PRR30: variants seen among roughly 807,000 people sequenced by gnomAD.
The protein encoded by PRR30 is proline rich 30.
For missense variants in PRR30, 546 were observed against 525.3 expected (o/e 1.04, Z -0.39); for synonymous variants, 229 against 222.7 (o/e 1.03, Z -0.25).
Position 27,139,153 on chromosome 2 carries a change from G to A in PRR30, c.-418-131C>T, listed in dbSNP as rs561013747. The A allele has an allele frequency of 2.6e-5, 4 of 152,544 alleles. No homozygotes were observed. In the South Asian group the frequency reaches 8.3e-4, roughly 32 times the overall value. The allele number at this position is 152,544 out of a possible 1,614,324, so 9.4% of individuals were successfully genotyped here. On this transcript the variant is annotated intron_variant, in intron 1 of 2. Transcript: ENST00000335524. ...TTTGCCCTCAGTCCTCCTTTAGCCA[G>A]GCGGAGGCCTGTGGTACAGATTTTT...
chr2:27,137,886 G>C lies in PRR30; in HGVS notation c.444C>G (p.His148Gln). The change falls in exon 3 of 3, where the codon CAC becomes CAG. Residue 148 changes from histidine (H) to glutamine (Q), a missense_variant. By Grantham distance (24) the His-to-Gln change is conservative. Coordinates refer to ENST00000335524, the MANE Select transcript of PRR30 (RefSeq NM_178553.4). The surrounding 1 kb of genome is among the most constrained non-coding windows in gnomAD (Gnocchi z 4.3). Reference protein sequence around the residue: ...LPHSPCQSPSHPEELHSSTLT... With the variant: ...LPHSPCQSPSQPEELHSSTLT... The stretch of plus-strand genomic sequence containing the variant: ...GTGTGGAGCTATGCAGTTCCTCGGG[G>C]TGGGAAGGGGACTGGCAAGGTGAGT... 6.3e-7 allele frequency: 1 copy of C among 1,599,854 alleles called. No homozygotes were observed. Among genetic ancestry groups the C allele is most frequent in the South Asian group, 1.1e-5 (1 of 88,724 alleles).
rs1383128661 is a variant in PRR30, at chr2:27,137,682, CACCAGGGCCTGG to C, written c.636_647del (p.Gln213_Val216del). ...CGATGCGGCGGTGCCCCAGCTGGACCACCAGGGCCTGGGCCAGGGCCCCTGGGTCCCTGAACT... is the reference window on the plus strand; with the variant it reads ...CGATGCGGCGGTGCCCCAGCTGGACCGCCAGGGCCCCTGGGTCCCTGAACT... On this transcript the variant is annotated inframe_deletion, in exon 3 of 3. Transcript: ENST00000335524. This position sits in a 1 kb window ranked among gnomAD's most constrained non-coding sequence, Gnocchi z 4.3. 2 of 1,613,214 alleles carry C rather than the reference CACCAGGGCCTGG, an allele frequency of 1.2e-6. No individual in the cohort carries two copies. The highest frequency in any genetic ancestry group is 1.7e-6 in the Non-Finnish European group (2 of 1,179,964).
Position 27,137,335 on chromosome 2 carries a change from C to G in PRR30, c.995G>C (p.Gly332Ala). The G allele has an allele frequency of 6.2e-7, 1 of 1,614,212 alleles. No homozygotes were observed. Among genetic ancestry groups the G allele is most frequent in the African/African-American group, 1.3e-5 (1 of 75,062 alleles). The part of the protein sequence containing the change: ...GPQGKATQAC[G>A]HQLPASQPPA... ...AGGCTGAGATGCTGGCAATTGATGC[C>G]CACAGGCCTGAGTAGCCTTGCCCTG... is the stretch of plus-strand genomic sequence containing the variant. The change falls in exon 3 of 3, where the codon GGG (glycine) becomes GCG (alanine). Residue 332 changes from glycine (G) to alanine (A), a missense_variant. Coordinates refer to ENST00000335524, the MANE Select transcript of PRR30 (RefSeq NM_178553.4). This position sits in a 1 kb window ranked among gnomAD's most constrained non-coding sequence, Gnocchi z 4.3.
chr2:27,137,314 T>C lies in PRR30; in HGVS notation c.1016A>G (p.Gln339Arg). Reference sequence around the variant, plus strand: ...GGCCCGGGCCTGAGCTGCTGGAGGCTGAGATGCTGGCAATTGATGCCCACA... The same window carrying C: ...GGCCCGGGCCTGAGCTGCTGGAGGCCGAGATGCTGGCAATTGATGCCCACA... ...QACGHQLPASQPPAAQARADP... is the reference protein window; with the variant it reads ...QACGHQLPASRPPAAQARADP... The change falls in exon 3 of 3, where the codon CAG becomes CGG. Residue 339 changes from glutamine to arginine, a missense_variant. Gln to Arg is a conservative substitution (Grantham distance 43). Coordinates refer to ENST00000335524, the MANE Select transcript of PRR30 (RefSeq NM_178553.4). This position sits in a 1 kb window ranked among gnomAD's most constrained non-coding sequence, Gnocchi z 4.3. The C allele has an allele frequency of 6.2e-7, 1 of 1,614,152 alleles. No homozygotes were observed. The highest frequency in any genetic ancestry group is 8.5e-7 in the Non-Finnish European group (1 of 1,180,014).
Position 27,137,570 on chromosome 2 carries a change from C to A in PRR30, c.760G>T (p.Val254Leu). 1 of 1,594,804 alleles carries A rather than the reference C, an allele frequency of 6.3e-7. No homozygotes were observed. The highest frequency in any genetic ancestry group is 8.5e-7 in the Non-Finnish European group (1 of 1,169,626). ...GAGGGGCTGCGGGGCCGGAGGCACACCAGGCATATAGGATACTCCACGACT... is the reference window on the plus strand; with the variant it reads ...GAGGGGCTGCGGGGCCGGAGGCACAACAGGCATATAGGATACTCCACGACT... ...APVVEYPICL[V>L]CLRPRSPSCP... The change falls in exon 3 of 3, where the codon GTG becomes TTG. Residue 254 changes from valine to leucine, a missense_variant. Transcript: ENST00000335524. The surrounding 1 kb of genome is among the most constrained non-coding windows in gnomAD (Gnocchi z 4.3).
Position 27,138,338 on chromosome 2 carries a change from A to G in PRR30, c.-9T>C, listed in dbSNP as rs1370564703. ...TTGTTTTGAGGCAACATCGCCTTGA[A>G]TCCAGAAGGAACTGGGGCAACAAGA... On this transcript the variant is annotated 5_prime_UTR_variant, in exon 3 of 3. Transcript: ENST00000335524. 1 of 1,584,054 alleles carries G rather than the reference A, an allele frequency of 6.3e-7. No individual in the cohort carries two copies. The highest frequency in any genetic ancestry group is 8.6e-7 in the Non-Finnish European group (1 of 1,164,842).
In PRR30 at chr2:27,136,989, G is replaced by C. The variant is rs1672521011; in HGVS notation, c.*102C>G. On this transcript the variant is annotated 3_prime_UTR_variant, in exon 3 of 3. Coordinates refer to ENST00000335524, the MANE Select transcript of PRR30 (RefSeq NM_178553.4). ...GGAGAACACACCTGACCTCCGGCCA[G>C]CCAGCCCTTCAGGGTGTCTCGGGGA... The C allele has an allele frequency of 1.4e-6, 2 of 1,455,928 alleles. No homozygotes were observed. Among genetic ancestry groups the C allele is most frequent in the Admixed American group, 2.5e-5 (1 of 39,556 alleles). The allele number at this position is 1,455,928 out of a possible 1,614,324, so 90.2% of individuals were successfully genotyped here.
chr2:27,137,793 A>G lies in PRR30; in HGVS notation c.537T>C (p.His179=). The stretch of plus-strand genomic sequence containing the variant: ...ACCCGGACCCAGTGTCCCTGTACTG[A>G]TGCCAGCGCCATGTCTGCCTGTTAG... ...LHSNRQTWRW[H]QYRDTGSGSP... The change falls in exon 3 of 3, where the codon CAT becomes CAC. Residue 179 remains histidine (H), a synonymous_variant. Coordinates refer to ENST00000335524, the MANE Select transcript of PRR30 (RefSeq NM_178553.4). This position sits in a 1 kb window ranked among gnomAD's most constrained non-coding sequence, Gnocchi z 4.3. The G allele has an allele frequency of 6.2e-7, 1 of 1,606,626 alleles. No individual in the cohort carries two copies. The highest frequency in any genetic ancestry group is 8.5e-7 in the Non-Finnish European group (1 of 1,174,886).
Position 27,137,756 on chromosome 2 carries a change from C to A in PRR30, c.574G>T (p.Val192Leu). The A allele has an allele frequency of 6.2e-7, 1 of 1,613,946 alleles. No homozygotes were observed. The highest frequency in any genetic ancestry group is 8.5e-7 in the Non-Finnish European group (1 of 1,179,878). Residue 192 changes from valine to leucine, a missense_variant, in exon 3 of 3, where the codon GTG becomes TTG. Coordinates refer to ENST00000335524, the MANE Select transcript of PRR30 (RefSeq NM_178553.4). This position sits in a 1 kb window ranked among gnomAD's most constrained non-coding sequence, Gnocchi z 4.3. Reference protein sequence around the residue: ...RDTGSGSPGVVERCVPSEKDP... With the variant: ...RDTGSGSPGVLERCVPSEKDP... ...TTCTCGCTTGGCACGCATCTCTCCA[C>A]CACTCCAGGGGACCCGGACCCAGTG...
rs779623750 is a variant in PRR30, at chr2:27,137,622, C to A, written c.708G>T (p.Leu236=). The A allele has an allele frequency of 2.5e-6, 4 of 1,611,876 alleles. No individual in the cohort carries two copies. Among genetic ancestry groups the A allele is most frequent in the Non-Finnish European group, 3.4e-6 (4 of 1,179,410 alleles). The change falls in exon 3 of 3, where the codon CTG becomes CTT. Residue 236 remains leucine (L), a synonymous_variant. Coordinates refer to ENST00000335524, the MANE Select transcript of PRR30 (RefSeq NM_178553.4). This position sits in a 1 kb window ranked among gnomAD's most constrained non-coding sequence, Gnocchi z 4.3. ...GGGCCTGGCCGGTTCTGCCTAGCCA[C>A]AGGTGCTGCAAAAGCAGTAGCCGCA... ...HDLRLLLLQH[L]WLGRTGQAPV... is the part of the protein sequence containing the mutation.
In PRR30 at chr2:27,137,474, C is replaced by G; in HGVS notation, c.856G>C (p.Gly286Arg). The change falls in exon 3 of 3, where the codon GGC becomes CGC. Residue 286 changes from glycine (G) to arginine (R), a missense_variant. Coordinates refer to ENST00000335524, the MANE Select transcript of PRR30 (RefSeq NM_178553.4). The surrounding 1 kb of genome is among the most constrained non-coding windows in gnomAD (Gnocchi z 4.3). ...ATCCGGAGTGGCCCAGATTCCTGGC[C>G]CTGCACACAGGGCAGTAGTTGAGGG... ...AFPQLLPCVQ[G>R]QESGPLRIGI... 6.2e-7 allele frequency: 1 copy of G among 1,609,982 alleles called. No individual in the cohort carries two copies. Among genetic ancestry groups the G allele is most frequent in the East Asian group, 2.2e-5 (1 of 44,836 alleles).
chr2:27,136,977 G>C lies in PRR30; in HGVS notation c.*114C>G. On this transcript the variant is annotated 3_prime_UTR_variant, in exon 3 of 3. Transcript: ENST00000335524. ...GGGTTCAGAGCAGGAGAACACACCT[G>C]ACCTCCGGCCAGCCAGCCCTTCAGG... The C allele has an allele frequency of 7.1e-7, 1 of 1,405,340 alleles. No homozygotes were observed. The highest frequency in any genetic ancestry group is 9.4e-7 in the Non-Finnish European group (1 of 1,059,546). 87.1% of individuals were successfully genotyped at this position (1,405,340 alleles called of 1,614,324 possible).
Position 27,137,058 on chromosome 2 carries a change from G to C in PRR30, c.*33C>G, listed in dbSNP as rs1032056114. ...CTGGTTGGGAGGGTTGGGTTTGGAG[G>C]GGGTGTTCCAGGGGGCCTCCGTGGC... On this transcript the variant is annotated 3_prime_UTR_variant, in exon 3 of 3. Transcript: ENST00000335524. The surrounding 1 kb of genome is among the most constrained non-coding windows in gnomAD (Gnocchi z 4.3). 6 of 1,601,460 alleles carry C rather than the reference G, an allele frequency of 3.7e-6. No individual in the cohort carries two copies. The highest frequency in any genetic ancestry group is 2.7e-5 in the African/African-American group (2 of 74,518).
At position 27,136,892 on chromosome 2, in the gene PRR30, G is replaced by C. The variant is rs977603450; in HGVS notation, c.*199C>G. 50 of 706,672 alleles carry C rather than the reference G, an allele frequency of 7.1e-5. No homozygotes were observed. Among genetic ancestry groups the C allele is most frequent in the Non-Finnish European group, 9.4e-5 (41 of 436,158 alleles). The allele number at this position is 706,672 out of a possible 1,614,324, so 43.8% of individuals were successfully genotyped here. On this transcript the variant is annotated 3_prime_UTR_variant, in exon 3 of 3. Transcript: ENST00000335524. ...ATTAGATACACGGAGGGCTGAATGG[G>C]GCCTTGGTGCCCTTGGTCCTCTTCA...
rs1213174876 is a variant in PRR30 at position 27,138,040 on chromosome 2, A to G, written c.290T>C (p.Phe97Ser). 3 of 1,613,982 alleles carry G rather than the reference A, an allele frequency of 1.9e-6. No homozygotes were observed. The highest frequency in any genetic ancestry group is 2.5e-6 in the Non-Finnish European group (3 of 1,180,000). ...YSPSLPSSPTFFHQNYLSLPR... is the reference protein window; with the variant it reads ...YSPSLPSSPTSFHQNYLSLPR... Reference sequence around the variant, plus strand: ...GAGAGAGAGGTAGTTCTGGTGAAAGAAAGTAGGGGAACTTGGGAGAGAGGG... The same window carrying G: ...GAGAGAGAGGTAGTTCTGGTGAAAGGAAGTAGGGGAACTTGGGAGAGAGGG... The change falls in exon 3 of 3, where the codon TTC becomes TCC. Residue 97 changes from phenylalanine to serine, a missense_variant. Physicochemically the swap from Phe to Ser is radical, Grantham distance 155. Transcript: ENST00000335524.
rs1016403183 is a variant in PRR30 at position 27,137,514 on chromosome 2, G to T, written c.816C>A (p.Pro272=). ...SCPLPRYRTG[P]RLLAFPQLLP... is the part of the protein sequence containing the mutation. Reference sequence around the variant, plus strand: ...GTAGTTGAGGGAAAGCAAGCAGCCGGGGTCCAGTCCTGTACCTGGGGAGGG... The same window carrying T: ...GTAGTTGAGGGAAAGCAAGCAGCCGTGGTCCAGTCCTGTACCTGGGGAGGG... The change falls in exon 3 of 3, where the codon CCC becomes CCA. Residue 272 remains proline (P), a synonymous_variant. Coordinates refer to ENST00000335524, the MANE Select transcript of PRR30 (RefSeq NM_178553.4). This position sits in a 1 kb window ranked among gnomAD's most constrained non-coding sequence, Gnocchi z 4.3. 1.3e-6 allele frequency: 2 copies of T among 1,595,720 alleles called. No individual in the cohort carries two copies. Among genetic ancestry groups the T allele is most frequent in the African/African-American group, 2.7e-5 (2 of 74,666 alleles).
chr2:27,138,362 G>T lies in PRR30; in HGVS notation c.-33C>A. The T allele has an allele frequency of 6.4e-7, 1 of 1,559,214 alleles. No homozygotes were observed. Among genetic ancestry groups the T allele is most frequent in the South Asian group, 1.2e-5 (1 of 82,790 alleles). On this transcript the variant is annotated 5_prime_UTR_variant, in exon 3 of 3. Coordinates refer to ENST00000335524, the MANE Select transcript of PRR30 (RefSeq NM_178553.4). ...AATCCAGAAGGAACTGGGGCAACAAGACTAGGGATAAGAGACCTGGCAGAG... is the reference window on the plus strand; with the variant it reads ...AATCCAGAAGGAACTGGGGCAACAATACTAGGGATAAGAGACCTGGCAGAG...
In PRR30 at chr2:27,137,698, A is replaced by G. The variant is rs762450544; in HGVS notation, c.632T>C (p.Leu211Pro). The G allele has an allele frequency of 3.1e-6, 5 of 1,613,500 alleles. No individual in the cohort carries two copies. In the East Asian group the frequency reaches 1.1e-4, roughly 36 times the overall value. Reference protein sequence around the residue: ...DPAQFRDPGALAQALVVQLGH... With the variant: ...DPAQFRDPGAPAQALVVQLGH... ...CAGCTGGACCACCAGGGCCTGGGCC[A>G]GGGCCCCTGGGTCCCTGAACTGTGC... The change falls in exon 3 of 3, where the codon CTG becomes CCG. Residue 211 changes from leucine (L) to proline (P), a missense_variant. Physicochemically the swap from Leu to Pro is moderately conservative, Grantham distance 98 (BLOSUM62 -3). Coordinates refer to ENST00000335524, the MANE Select transcript of PRR30 (RefSeq NM_178553.4). The surrounding 1 kb of genome is among the most constrained non-coding windows in gnomAD (Gnocchi z 4.3).
chr2:27,136,913 C>G lies in PRR30; in HGVS notation c.*178G>C, dbSNP rs1328579277. On this transcript the variant is annotated 3_prime_UTR_variant, in exon 3 of 3. Transcript: ENST00000335524. ...ATGGGGCCTTGGTGCCCTTGGTCCT[C>G]TTCAGCCTGGAGACAGCAGACTCCA... 1 of 871,176 alleles carries G rather than the reference C, an allele frequency of 1.1e-6. No individual in the cohort carries two copies. The highest frequency in any genetic ancestry group is 1.7e-6 in the Non-Finnish European group (1 of 585,130). 54.0% of individuals were successfully genotyped at this position (871,176 alleles called of 1,614,324 possible).
Sources: gnomAD v4.1 joint callset for allele counts on GRCh38, gnomAD v4.1.1 for gene constraint, Gnocchi (gnomAD v3.1) non-coding constraint, MANE v1.5 for transcripts, NCBI Gene and HGNC (gene_info 2026-07-23, HGNC 2026-07-21) for gene names.